Variants in SCP2 observed in about 807,000 individuals in gnomAD.
SCP2 encodes the protein sterol carrier protein 2, also known as SCP-2/3-oxoacyl-CoA thiolase.
In SCP2, 48 loss-of-function variants were observed where a neutral mutation model predicts 71.4. That is an observed-to-expected ratio of 0.67 (90% confidence interval 0.53 to 0.86). SCP2 has a LOEUF of 0.86. Among genes scored for constraint, SCP2 ranks in the 40% least tolerant of loss-of-function variants. SCP2 has a pLI of 0.00. For missense variants in SCP2, 560 were observed against 655.6 expected (o/e 0.85, Z 1.59); for synonymous variants, 220 against 218.1 (o/e 1.01, Z -0.08).
chr1:52,933,500 A>C (rs530836664), intron 1 of SCP2, among the ~76,000 whole-genome samples: 23 of 152,346 alleles, frequency 1.5e-4, no homozygotes, highest in Non-Finnish European at 2.9e-5. Flanking sequence ...TTTAAAAATC[A>C]ACTAATTATA....
intron 11 of SCP2, chr1:52,996,033 GC>G: frequency 7.6e-7 from 1 of 1,308,664 alleles, no homozygotes; most frequent in Non-Finnish European, 1.0e-6. Context: ...CTAAGGCAGA[GC>G]CCCCATCGCC....
At chr1:52,965,671 G>A (rs1296874682) in intron 6 of SCP2, among the ~76,000 whole-genome samples, 2 of 151,878 alleles carry the variant, frequency 1.3e-5, no homozygotes, top group African/African-American at 4.8e-5. Flanking sequence ...GTCTTGCTCC[G>A]TTGCCCAGGC....
chr1:52,935,232 C>G (rs1034126956), intron 1 of SCP2, among the ~76,000 whole-genome samples: 15 of 151,450 alleles, frequency 9.9e-5, no homozygotes, highest in Non-Finnish European at 1.9e-4. Flanking sequence ...CCCCATTGCA[C>G]TCCAGCTTGG....
chr1:52,942,209 A>T (rs1654318363), intron 2 of SCP2, among the ~76,000 whole-genome samples: 1 of 152,234 alleles, frequency 6.6e-6, no homozygotes, highest in South Asian at 2.1e-4. Context: ...TGGAAAAGGG[A>T]TAATCACATT....
chr1:53,022,199 A>T (rs1661798830), intron 12 of SCP2, among the ~76,000 whole-genome samples: 1 of 152,288 alleles, frequency 6.6e-6, no homozygotes, highest in Admixed American at 6.5e-5. Flanking sequence ...CCTGTTATGG[A>T]CGTTGTATGT....
intron 10 of SCP2, among the ~76,000 whole-genome samples, chr1:52,986,988 A>ATG (rs1659038792): frequency 1.1e-5 from 1 of 94,488 alleles, no homozygotes; most frequent in Non-Finnish European, 2.1e-5. Flanking sequence ...TTTCTTCTGT[A>ATG]TATATATATA....
chr1:52,929,473 T>A (rs1384612221), intron 1 of SCP2, among the ~76,000 whole-genome samples: 1 of 152,006 alleles, frequency 6.6e-6, no homozygotes, highest in African/African-American at 2.4e-5. Context: ...TGAGACAGAG[T>A]CTCACTCTGT....
At chr1:53,021,595 C>T (rs1379051627) in intron 12 of SCP2, among the ~76,000 whole-genome samples, 1 of 151,408 alleles carries the variant, frequency 6.6e-6, no homozygotes, top group Non-Finnish European at 1.5e-5. Flanking sequence ...GCTGGGATTA[C>T]AGGCATGAGC....
At chr1:52,977,436 G>A (rs1390749825) in intron 8 of SCP2, among the ~76,000 whole-genome samples, 2 of 152,198 alleles carry the variant, frequency 1.3e-5, no homozygotes, top group African/African-American at 4.8e-5. Flanking sequence ...AAAAAGATCT[G>A]TTTAAGATCT....
intron 12 of SCP2, among the ~76,000 whole-genome samples, chr1:53,020,889 G>C (rs6695341): frequency 6.6e-6 from 1 of 151,996 alleles, no homozygotes; most frequent in Non-Finnish European, 1.5e-5. Flanking sequence ...AAACTTACGC[G>C]TACTGTACGA....
chr1:53,003,189 AGAAAGCCCT>A (rs1438311719), intron 11 of SCP2, among the ~76,000 whole-genome samples: 9 of 152,142 alleles, frequency 5.9e-5, no homozygotes, highest in African/African-American at 9.7e-5. Context: ...GATAACTAGG[AGAAAGCCCT>A]GAATTTCTGT....
intron 8 of SCP2, among the ~76,000 whole-genome samples, chr1:52,977,525 G>C (rs1156721303): frequency 1.3e-5 from 2 of 152,234 alleles, no homozygotes; most frequent in Non-Finnish European, 2.9e-5. Context: ...TCAGGACTGA[G>C]TTATTTGGAG....
At chr1:52,986,415 C>T (rs4926939) in intron 10 of SCP2, among the ~76,000 whole-genome samples, 48,109 of 151,966 alleles carry the variant, frequency 0.32, 12,726 homozygotes, top group African/African-American at 0.72. Context: ...GAGCAATTTC[C>T]AAGGTAGAAA....
chr1:52,988,177 T>C, intron 11 of SCP2, 41 bp downstream of exon 11: 1 of 1,031,844 alleles, frequency 9.7e-7, no homozygotes. Flanking sequence ...AAAATCATTT[T>C]TTCCTTAAGT....
chr1:52,961,356 A>G lies in SCP2; in HGVS notation c.397-147A>G, dbSNP rs1656428045. The G allele has an allele frequency of 3.9e-6, 3 of 765,918 alleles. No homozygotes were observed. The African/African-American group carries it at 5.3e-5, about 13-fold the overall frequency. 47.4% of individuals were successfully genotyped at this position (765,918 alleles called of 1,614,324 possible). ...TTCTTCTTCCCATGTTTCCCTGTGGAGCATGTCTTAACTGATTTGATTCAC... is the reference window on the plus strand; with the variant it reads ...TTCTTCTTCCCATGTTTCCCTGTGGGGCATGTCTTAACTGATTTGATTCAC... On this transcript the variant is annotated intron_variant, in intron 5 of 15. Transcript: ENST00000371514.
At position 53,014,905 on chromosome 1, in the gene SCP2, C is replaced by T; in HGVS notation, c.1097C>T (p.Ala366Val). 6.2e-7 allele frequency: 1 copy of T among 1,613,186 alleles called. No individual in the cohort carries two copies. Among genetic ancestry groups the T allele is most frequent in the Non-Finnish European group, 8.5e-7 (1 of 1,179,880 alleles). Residue 366 changes from alanine to valine, a missense_variant, in exon 12 of 16, where the codon GCA (alanine) becomes GTA (valine). By Grantham distance (64) the Ala-to-Val change is moderately conservative (BLOSUM62 0). Around this residue, in one of 3 missense-constraint regions of SCP2, gnomAD observed 513 missense variants for 573.1 expected, o/e 0.90. Coordinates refer to ENST00000371514, the MANE Select transcript of SCP2 (RefSeq NM_002979.5). ...GATTTGTTAGGTCTTGCTCAGTGTGCAGAACTCTGCTGGCAGCTGAGAGGG... is the reference window on the plus strand; with the variant it reads ...GATTTGTTAGGTCTTGCTCAGTGTGTAGAACTCTGCTGGCAGCTGAGAGGG... ...PLGATGLAQC[A>V]ELCWQLRGEA...
chr1:52,954,902 T>C (rs1655661014), intron 5 of SCP2, 98 bp downstream of exon 5: 2 of 899,242 alleles, frequency 2.2e-6, no homozygotes, highest in Admixed American at 1.7e-5. Flanking sequence ...TATTTTAGAA[T>C]AGTGAAGAAT....
intron 3 of SCP2, 96 bp from the exon 4 acceptor site, chr1:52,950,658 AG>A: frequency 2.1e-6 from 2 of 938,468 alleles, no homozygotes; most frequent in Admixed American, 1.8e-5. Flanking sequence ...GTTATATGCT[AG>A]GCAAAGGTAT....
chr1:52,933,894 C>T (rs1270236659), intron 1 of SCP2, among the ~76,000 whole-genome samples: 2 of 152,212 alleles, frequency 1.3e-5, no homozygotes, highest in African/African-American at 2.4e-5. Context: ...GTGGGTAACA[C>T]TGTTGGCATC....
Sources: allele counts gnomAD v4.1 joint callset (sites outside exome capture counted in the v4.1 genomes callset), GRCh38; gene constraint gnomAD v4.1.1; regional missense constraint gnomAD v4.1.1; transcripts MANE v1.5; gene names NCBI Gene and HGNC (gene_info 2026-07-23, HGNC 2026-07-21).